Variants in NLGN2 observed in about 807,000 individuals in gnomAD.
NLGN2 encodes the protein neuroligin-2.
In NLGN2, 11 loss-of-function variants were observed where a neutral mutation model predicts 48.6. That is an observed-to-expected ratio of 0.23 (90% CI 0.14 to 0.37). The LOEUF is 0.37. NLGN2 is among the 10% of genes least tolerant of loss of function. NLGN2 has a pLI of 1.00. For synonymous variants in NLGN2, 548 were observed against 550.0 expected (o/e 1.00, Z 0.05); for missense variants, 801 against 1,225.2 (o/e 0.65, Z 5.17).
chr17:7,406,813 G>A (rs1906666434), upstream of NLGN2, among the ~76,000 whole-genome samples: 1 of 152,140 alleles, frequency 6.6e-6, no homozygotes, highest in Non-Finnish European at 1.5e-5. Flanking sequence ...GGGATGGGAA[G>A]AGAAGAAAGC....
chr17:7,405,710 T>A (rs1906608252), upstream of NLGN2: 1 of 154,060 alleles, frequency 6.5e-6, no homozygotes, highest in African/African-American at 2.4e-5. This position sits in a 1 kb window ranked among gnomAD's most constrained non-coding sequence, Gnocchi z 6.8. Flanking sequence ...CCCAGCCTGC[T>A]CTGTCTGCGT....
At position 7,415,066 on chromosome 17, in the gene NLGN2, C is replaced by T. The variant is rs760427849; in HGVS notation, c.955C>T (p.Arg319Ter). The change falls in exon 5 of 7, where the codon CGA becomes TGA. Residue 319 changes from arginine to a stop codon, truncating the protein, a stop_gained. Transcript: ENST00000302926. LOFTEE classifies it high-confidence loss of function. ...GCTGGCAGCCAAGGTGGGCTGTGAC[C>T]GAGAGGACAGCGCTGAAGCTGTGGA... ...RLLAAKVGCD[R>*]EDSAEAVECL... The T allele has an allele frequency of 1.2e-6, 2 of 1,613,562 alleles. No individual in the cohort carries two copies. Among genetic ancestry groups the T allele is most frequent in the East Asian group, 2.2e-5 (1 of 44,870 alleles).
At chr17:7,416,428 G>C (rs1907106106) in intron 6 of NLGN2, among the ~76,000 whole-genome samples, 1 of 152,128 alleles carries the variant, frequency 6.6e-6, no homozygotes, top group Admixed American at 6.5e-5. Flanking sequence ...GTGTGTGTCT[G>C]AGTGTGTGTA....
At chr17:7,415,362 C>T in intron 5 of NLGN2, 149 bp from the exon 6 acceptor site, 1 of 864,368 alleles carries the variant, frequency 1.2e-6, no homozygotes, top group Non-Finnish European at 1.9e-6. Flanking sequence ...TCCAGAGAGG[C>T]CAGATCTCCC....
At position 7,411,536 on chromosome 17, in the gene NLGN2, G is replaced by A. The variant is rs1004390240; in HGVS notation, c.458-621G>A. Among the ~76,000 whole-genome samples the A allele has an allele frequency of 1.3e-5, 2 of 152,236 alleles. No individual in the cohort carries two copies. The highest frequency in any genetic ancestry group is 4.8e-5 in the African/African-American group (2 of 41,466). ...TTCCCATAGCCCTCCAGTGGGGAGC[G>A]GAAGGCTTCTGGGGCTGAGCTGTGG... is the stretch of plus-strand genomic sequence containing the variant. On this transcript the variant is annotated intron_variant, in intron 1 of 6. Transcript: ENST00000302926. This position sits in a 1 kb window ranked among gnomAD's most constrained non-coding sequence, Gnocchi z 4.5.
Position 7,417,193 on chromosome 17 carries a change from C to T in NLGN2, c.1902C>T (p.Pro634=), listed in dbSNP as rs767358008. 4.3e-5 allele frequency: 68 copies of T among 1,564,280 alleles called. No homozygotes were observed. Among genetic ancestry groups the T allele is most frequent in the East Asian group, 3.8e-4 (16 of 42,316 alleles). The stretch of plus-strand genomic sequence containing the variant: ...CCACGCGCTGGCCGCCTCGTCCCCC[C>T]GCTGGCGCCCCGGGCACACGCCGGC... ...PYATRWPPRP[P]AGAPGTRRPP... is the part of the protein sequence containing the mutation. Residue 634 remains proline (P), a synonymous_variant, in exon 7 of 7, where the codon CCC becomes CCT. Transcript: ENST00000302926.
At chr17:7,405,472 C>G (rs1362560776), upstream of NLGN2, 2 of 152,234 alleles carry the variant, frequency 1.3e-5, no homozygotes, top group Non-Finnish European at 2.9e-5. The surrounding 1 kb of genome is among the most constrained non-coding windows in gnomAD (Gnocchi z 6.8). Flanking sequence ...ATCCCCCTCC[C>G]CCGCCGGGTG....
chr17:7,412,130 TTC>T, intron 1 of NLGN2, 25 bp from the exon 2 acceptor site: 1 of 1,603,628 alleles, frequency 6.2e-7, no homozygotes, highest in Non-Finnish European at 8.5e-7. Context: ...TTGTCCTTTT[TTC>T]TCTGTTTTGT....
intron 2 of NLGN2, among the ~76,000 whole-genome samples, chr17:7,412,473 T>C (rs1906938163): frequency 1.3e-5 from 2 of 151,928 alleles, no homozygotes; most frequent in Non-Finnish European, 2.9e-5. Context: ...AAAAAGAAAT[T>C]GGAATGTCAG....
At position 7,408,895 on chromosome 17, in the gene NLGN2, C is replaced by T. The variant is rs1026090144; in HGVS notation, c.457+183C>T. 6.6e-6 allele frequency among the ~76,000 whole-genome samples: 1 copy of T among 152,158 alleles called. No individual in the cohort carries two copies. Among genetic ancestry groups the T allele is most frequent in the Non-Finnish European group, 1.5e-5 (1 of 68,008 alleles). ...GATTGTAAGGGTGCCTCCAGGCAGT[C>T]CCAGGCACACACTCTGCAGACAGCC... On this transcript the variant is annotated intron_variant, in intron 1 of 6. Transcript: ENST00000302926. The surrounding 1 kb of genome is among the most constrained non-coding windows in gnomAD (Gnocchi z 7.5).
At chr17:7,412,001 A>C (rs889295919) in intron 1 of NLGN2, among the ~76,000 whole-genome samples, 156 bp from the exon 2 acceptor site, 1 of 151,488 alleles carries the variant, frequency 6.6e-6, no homozygotes, top group Non-Finnish European at 1.5e-5. Flanking sequence ...TTTTCTTGCA[A>C]ACAAATTTTG....
Position 7,417,698 on chromosome 17 carries a change from C to T in NLGN2, c.2407C>T (p.Pro803Ser). Residue 803 changes from proline to serine, a missense_variant, in exon 7 of 7, where the codon CCC becomes TCC. Physicochemically the swap from Pro to Ser is moderately conservative, Grantham distance 74. Transcript: ENST00000302926. The stretch of plus-strand genomic sequence containing the variant: ...CCTGGGGCCACCGCCACCCCCACCG[C>T]CCCCCTCCCTTCATCCCTTCGGGCC... The part of the protein sequence containing the change: ...SGLGPPPPPP[P>S]PSLHPFGPFP... The T allele has an allele frequency of 1.2e-5, 16 of 1,321,634 alleles. No individual in the cohort carries two copies. Among genetic ancestry groups the T allele is most frequent in the Non-Finnish European group, 1.5e-5 (15 of 1,027,900 alleles). The allele number at this position is 1,321,634 out of a possible 1,614,324, so 81.9% of individuals were successfully genotyped here.
At position 7,417,076 on chromosome 17, in the gene NLGN2, C is replaced by T; in HGVS notation, c.1785C>T (p.Ala595=). The change falls in exon 7 of 7, where the codon GCC becomes GCT. Residue 595 remains alanine (A), a synonymous_variant. Coordinates refer to ENST00000302926, the MANE Select transcript of NLGN2 (RefSeq NM_020795.4). ...LKPRVRDNYR[A]NKVAFWLELV... is the part of the protein sequence containing the mutation. ...CACGCGTGCGTGACAACTACCGCGC[C>T]AACAAGGTGGCCTTCTGGCTGGAGC... is the stretch of plus-strand genomic sequence containing the variant. 6.2e-7 allele frequency: 1 copy of T among 1,613,944 alleles called. No homozygotes were observed. The highest frequency in any genetic ancestry group is 8.5e-7 in the Non-Finnish European group (1 of 1,180,028).
Position 7,408,096 on chromosome 17 carries a change from G to A in NLGN2, c.-160G>A. On this transcript the variant is annotated 5_prime_UTR_variant, in exon 1 of 7. Transcript: ENST00000302926. The surrounding 1 kb of genome is among the most constrained non-coding windows in gnomAD (Gnocchi z 7.5). ...ATGGAGAGGAACAGACCCCTTCTCT[G>A]TCCAGTCTAACCCAGGTCCCTCCCC... The A allele has an allele frequency of 2.4e-6, 1 of 409,008 alleles. No individual in the cohort carries two copies. Among genetic ancestry groups the A allele is most frequent in the South Asian group, 6.2e-5 (1 of 16,244 alleles). The allele number at this position is 409,008 out of a possible 1,614,324, so 25.3% of individuals were successfully genotyped here.
Position 7,417,887 on chromosome 17 carries a change from C to T in NLGN2, c.*88C>T. 2 of 1,287,686 alleles carry T rather than the reference C, an allele frequency of 1.6e-6. No individual in the cohort carries two copies. The highest frequency in any genetic ancestry group is 2.0e-6 in the Non-Finnish European group (2 of 1,008,292). 79.8% of individuals were successfully genotyped at this position (1,287,686 alleles called of 1,614,324 possible). A position where few individuals can be genotyped will look rare whatever the true frequency, so the allele number is the denominator to read the frequency against. On this transcript the variant is annotated 3_prime_UTR_variant, in exon 7 of 7. Transcript: ENST00000302926. ...GGAGGACTTGGCAACTGGCTTTTCT[C>T]CTGTGGAGTCGTCACACGCCATCCA... is the stretch of plus-strand genomic sequence containing the variant.
In NLGN2 at chr17:7,417,569, G is replaced by A; in HGVS notation, c.2278G>A (p.Ala760Thr). 4 of 1,439,022 alleles carry A rather than the reference G, an allele frequency of 2.8e-6. No homozygotes were observed. Among genetic ancestry groups the A allele is most frequent in the Non-Finnish European group, 2.7e-6 (3 of 1,103,456 alleles). The allele number at this position is 1,439,022 out of a possible 1,614,324, so 89.1% of individuals were successfully genotyped here. A position where few individuals can be genotyped will look rare whatever the true frequency, so the allele number is the denominator to read the frequency against. The part of the protein sequence containing the change: ...GGGVGADPAE[A>T]LRPACPPDYT... ...TGGCGTCGGGGCGGACCCTGCCGAG[G>A]CTCTGCGCCCTGCCTGCCCGCCCGA... The change falls in exon 7 of 7, where the codon GCT becomes ACT. Residue 760 changes from alanine (A) to threonine (T), a missense_variant. Physicochemically the swap from Ala to Thr is moderately conservative, Grantham distance 58. Transcript: ENST00000302926.
In NLGN2 at chr17:7,408,091, T is replaced by A; in HGVS notation, c.-165T>A. 2.5e-6 allele frequency: 1 copy of A among 403,742 alleles called. No homozygotes were observed. The allele number at this position is 403,742 out of a possible 1,614,324, so 25.0% of individuals were successfully genotyped here. On this transcript the variant is annotated 5_prime_UTR_variant, in exon 1 of 7. Transcript: ENST00000302926. The surrounding 1 kb of genome is among the most constrained non-coding windows in gnomAD (Gnocchi z 7.5). ...CCTCCATGGAGAGGAACAGACCCCT[T>A]CTCTGTCCAGTCTAACCCAGGTCCC...
At position 7,411,448 on chromosome 17, in the gene NLGN2, G is replaced by A. The variant is rs1906887711; in HGVS notation, c.458-709G>A. 6.6e-6 allele frequency among the ~76,000 whole-genome samples: 1 copy of A among 152,212 alleles called. No individual in the cohort carries two copies. Among genetic ancestry groups the A allele is most frequent in the African/African-American group, 2.4e-5 (1 of 41,448 alleles). On this transcript the variant is annotated intron_variant, in intron 1 of 6. Transcript: ENST00000302926. The surrounding 1 kb of genome is among the most constrained non-coding windows in gnomAD (Gnocchi z 4.5). The stretch of plus-strand genomic sequence containing the variant: ...CTGGGGTGAGAAGCCAGGCCTGTGA[G>A]TGTGGATAGACGAGAAGTGCTGGTG...
Position 7,408,697 on chromosome 17 carries a change from G to T in NLGN2, c.442G>T (p.Val148Leu), listed in dbSNP as rs910940149. 1.2e-6 allele frequency: 2 copies of T among 1,613,058 alleles called. No individual in the cohort carries two copies. Among genetic ancestry groups the T allele is most frequent in the Non-Finnish European group, 1.7e-6 (2 of 1,179,748 alleles). The change falls in exon 1 of 7, where the codon GTG (valine) becomes TTG (leucine). Residue 148 changes from valine to leucine, a missense_variant. Val to Leu is a conservative substitution (Grantham distance 32, BLOSUM62 1). Around this residue, in one of 5 missense-constraint regions of NLGN2, gnomAD observed 56 missense variants for 100.0 expected, o/e 0.56. Transcript: ENST00000302926. The surrounding 1 kb of genome is among the most constrained non-coding windows in gnomAD (Gnocchi z 7.5). ...GGACTGCCTGTACCTCAACCTCTAC[G>T]TGCCCACCGAGGACGGTAAGGGCGC... The part of the protein sequence containing the change: ...SEDCLYLNLY[V>L]PTEDGPLTKK...
Sources: allele counts gnomAD v4.1 joint callset (sites outside exome capture counted in the v4.1 genomes callset), GRCh38; gene constraint gnomAD v4.1.1; regional missense constraint gnomAD v4.1.1; non-coding constraint Gnocchi (gnomAD v3.1); transcripts MANE v1.5; gene names NCBI Gene and HGNC (gene_info 2026-07-23, HGNC 2026-07-21).